GREB1L: variants seen among roughly 807,000 people sequenced by gnomAD.
GREB1L encodes the protein GREB1 like retinoic acid receptor coactivator.
GREB1L carries 17 observed loss-of-function variants against 200.8 expected under a neutral mutation model. The observed-to-expected ratio is 0.08, with a 90% CI of 0.06 to 0.13. GREB1L has a LOEUF of 0.13. Ranked by LOEUF, GREB1L falls within the 10% of genes least tolerant of loss-of-function variation. GREB1L has a pLI of 1.00. For missense variants in GREB1L, 1,657 were observed against 2,367.7 expected, an observed-to-expected ratio of 0.70 and a Z score of 6.23; for synonymous variants, 789 against 893.0, an observed-to-expected ratio of 0.88 and a Z score of 2.08.
rs7235140 is a variant in GREB1L at position 21,356,647 on chromosome 18, T to C, written c.-119-9380T>C. On this transcript the variant is annotated intron_variant, in intron 1 of 32. Coordinates refer to ENST00000424526, the MANE Select transcript of GREB1L (RefSeq NM_001142966.3). The stretch of plus-strand genomic sequence containing the variant: ...TGTAGTGACCAGGGGGGTGCACATA[T>C]TTATTCAGGATCCCAGTATCATTTC... 9.8e-3 allele frequency among the ~76,000 whole-genome samples: 1,498 copies of C among 152,298 alleles called. 35 individuals are homozygous for C. The highest frequency in any genetic ancestry group is 0.035 in the African/African-American group (1,439 of 41,558).
intron 7 of GREB1L, among the ~76,000 whole-genome samples, chr18:21,431,393 G>A (rs2145094110): frequency 6.6e-6 from 1 of 152,214 alleles, no homozygotes; most frequent in Middle Eastern, 3.4e-3. Flanking sequence ...GGTTATTTAG[G>A]AATGTGTTAT....
chr18:21,266,461 T>C (rs2144189728), intron 1 of GREB1L, among the ~76,000 whole-genome samples: 1 of 152,300 alleles, frequency 6.6e-6, no homozygotes, highest in East Asian at 1.9e-4. Flanking sequence ...GTGCAGAGCT[T>C]CAGGGATTTT....
intron 1 of GREB1L, among the ~76,000 whole-genome samples, chr18:21,332,478 A>AT (rs1000879881): frequency 6.0e-5 from 9 of 150,192 alleles, no homozygotes; most frequent in South Asian, 2.1e-4. Flanking sequence ...AAAAAAAAAA[A>AT]TTTTTTTTTC....
Position 21,444,301 on chromosome 18 carries a change from A to G in GREB1L, c.1285A>G (p.Ile429Val), listed in dbSNP as rs1204155919. The G allele has an allele frequency of 1.3e-6, 2 of 1,551,800 alleles. No individual in the cohort carries two copies. Among genetic ancestry groups the G allele is most frequent in the Admixed American group, 2.0e-5 (1 of 51,016 alleles). ...TCCTCTGCTGGTGAATTGCTACAAG[A>G]TTCCACAGTTGGAAAACAAAGATTT... ...VSPLLVNCYKIPQLENKDLEK... is the reference protein window; with the variant it reads ...VSPLLVNCYKVPQLENKDLEK... The change falls in exon 11 of 33, where the codon ATT becomes GTT. Residue 429 changes from isoleucine (I) to valine (V), a missense_variant. By Grantham distance (29) the Ile-to-Val change is conservative. Transcript: ENST00000424526.
At chr18:21,325,239 G>C (rs1017540079) in intron 1 of GREB1L, among the ~76,000 whole-genome samples, 10 of 152,162 alleles carry the variant, frequency 6.6e-5, no homozygotes, top group African/African-American at 2.4e-4. Context: ...CGTTTTTGTG[G>C]ACATGAACCT....
chr18:21,354,391 C>A (rs1327344870), intron 1 of GREB1L, among the ~76,000 whole-genome samples: 1 of 152,092 alleles, frequency 6.6e-6, no homozygotes, highest in Non-Finnish European at 1.5e-5. Context: ...TATTAGAGAC[C>A]AGCCTGGGCA....
chr18:21,278,590 G>A (rs143550696), intron 1 of GREB1L, among the ~76,000 whole-genome samples: 6 of 151,758 alleles, frequency 4.0e-5, no homozygotes, highest in South Asian at 2.1e-4. Context: ...AAATGTTCTG[G>A]TATCAACTGT....
chr18:21,378,350 C>T (rs893372281), intron 2 of GREB1L, among the ~76,000 whole-genome samples: 25 of 152,094 alleles, frequency 1.6e-4, no homozygotes, highest in African/African-American at 5.1e-4. Flanking sequence ...GGGTCAGTTA[C>T]GTAATTCTTT....
intron 1 of GREB1L, among the ~76,000 whole-genome samples, chr18:21,336,108 G>A (rs2039181380): frequency 1.3e-5 from 2 of 152,108 alleles, no homozygotes; most frequent in South Asian, 2.1e-4. Flanking sequence ...CTAGCTACAG[G>A]TGAAAGGTAA....
intron 15 of GREB1L, among the ~76,000 whole-genome samples, chr18:21,470,123 TAA>T (rs879495916): frequency 7.0e-6 from 1 of 143,416 alleles, no homozygotes; most frequent in Non-Finnish European, 1.5e-5. Flanking sequence ...CCATTTCTAT[TAA>T]AAAAAAAAAA....
chr18:21,319,650 C>T (rs567409360), intron 1 of GREB1L, among the ~76,000 whole-genome samples: 1 of 152,148 alleles, frequency 6.6e-6, no homozygotes, highest in African/African-American at 2.4e-5. Flanking sequence ...GACTTTGAAA[C>T]ATCTGAAACC....
intron 30 of GREB1L, 133 bp from the exon 31 acceptor site, chr18:21,517,901 A>C: frequency 1.5e-6 from 1 of 669,726 alleles, no homozygotes; most frequent in Non-Finnish European, 2.6e-6. Flanking sequence ...TTACTAACAT[A>C]CATTTGAACC....
chr18:21,268,916 G>T (rs1268655634), intron 1 of GREB1L, among the ~76,000 whole-genome samples: 3 of 151,872 alleles, frequency 2.0e-5, no homozygotes, highest in African/African-American at 7.3e-5. Flanking sequence ...CAAATGAGGA[G>T]ATTGGTCATA....
chr18:21,449,641 T>C lies in GREB1L; in HGVS notation c.1525T>C (p.Trp509Arg), dbSNP rs1440553946. 1 of 1,551,694 alleles carries C rather than the reference T, an allele frequency of 6.4e-7. No individual in the cohort carries two copies. Among genetic ancestry groups the C allele is most frequent in the South Asian group, 1.2e-5 (1 of 84,062 alleles). Residue 509 changes from tryptophan (W) to arginine (R), a missense_variant, in exon 12 of 33, where the codon TGG (tryptophan) becomes CGG (arginine). By Grantham distance (101) the Trp-to-Arg change is moderately radical. Coordinates refer to ENST00000424526, the MANE Select transcript of GREB1L (RefSeq NM_001142966.3). ...CVPVSPGQLPWLARLIASVSQ... is the reference protein window; with the variant it reads ...CVPVSPGQLPRLARLIASVSQ... ...CCCTGTGTCACCAGGACAACTCCCC[T>C]GGCTTGCTAGATTAATTGCCAGCGT...
At chr18:21,412,133 C>T (rs1234965002) in intron 7 of GREB1L, among the ~76,000 whole-genome samples, 1 of 150,156 alleles carries the variant, frequency 6.7e-6, no homozygotes, top group African/African-American at 2.5e-5. Flanking sequence ...TGAGGTGGCT[C>T]ATGCCTGTAG....
chr18:21,450,936 A>T, intron 12 of GREB1L, 87 bp from the exon 13 acceptor site: 1 of 1,348,064 alleles, frequency 7.4e-7, no homozygotes, highest in Non-Finnish European at 1.0e-6. Flanking sequence ...ACATCCTTTG[A>T]TTGTTTCCAA....
rs1408538599 is a variant in GREB1L, at chr18:21,401,301, T to C, written c.684T>C (p.Ser228=). 3 of 1,551,090 alleles carry C rather than the reference T, an allele frequency of 1.9e-6. No individual in the cohort carries two copies. Among genetic ancestry groups the C allele is most frequent in the African/African-American group, 1.4e-5 (1 of 72,994 alleles). ...YLVRSSQGVL[S]KGPLICWKEC... ...TCAGAAGCTCCCAGGGTGTACTGTCTAAAGGACCTCTTATCTGCTGGAAAG... is the reference window on the plus strand; with the variant it reads ...TCAGAAGCTCCCAGGGTGTACTGTCCAAAGGACCTCTTATCTGCTGGAAAG... Residue 228 remains serine, a synonymous_variant, in exon 6 of 33, where the codon TCT becomes TCC. Coordinates refer to ENST00000424526, the MANE Select transcript of GREB1L (RefSeq NM_001142966.3).
intron 1 of GREB1L, among the ~76,000 whole-genome samples, chr18:21,341,492 T>G (rs1238441516): frequency 6.6e-6 from 1 of 152,178 alleles, no homozygotes; most frequent in African/African-American, 2.4e-5. Flanking sequence ...CCACCTCAGC[T>G]TCCAGGGTAG....
At chr18:21,484,695 T>C (rs951432184) in intron 17 of GREB1L, among the ~76,000 whole-genome samples, 69 of 151,934 alleles carry the variant, frequency 4.5e-4, no homozygotes, top group African/African-American at 1.6e-3. Context: ...TGGTGGTGGG[T>C]GCCTGTAATC....
Sources: allele counts gnomAD v4.1 joint callset (sites outside exome capture counted in the v4.1 genomes callset), GRCh38; gene constraint gnomAD v4.1.1; transcripts MANE v1.5; gene names NCBI Gene and HGNC (gene_info 2026-07-23, HGNC 2026-07-21).